ABR: variants seen among roughly 807,000 people sequenced by gnomAD.
The protein encoded by ABR is ABR activator of RhoGEF and GTPase, also known as active breakpoint cluster region-related protein.
A neutral mutation model predicts 107.2 loss-of-function variants in ABR; 35 were observed. The observed-to-expected ratio is 0.33, with a 90% CI of 0.25 to 0.43. The LOEUF (loss-of-function observed/expected upper bound fraction) is 0.43. Ranked by LOEUF, ABR falls within the 20% of genes least tolerant of loss-of-function variation. The pLI is 1.00. For missense variants in ABR, 815 were observed against 1,115.2 expected (o/e 0.73, Z 3.83); for synonymous variants, 498 against 462.0 (o/e 1.08, Z -1.00).
At chr17:1,156,905 C>G (rs918345385) in intron 1 of ABR, among the ~76,000 whole-genome samples, 1 of 152,172 alleles carries the variant, frequency 6.6e-6, no homozygotes, top group African/African-American at 2.4e-5. Flanking sequence ...CCTCCAACCT[C>G]CTTTTAGCCG....
chr17:1,068,923 T>C (rs544463066), intron 9 of ABR, among the ~76,000 whole-genome samples: 2 of 152,372 alleles, frequency 1.3e-5, no homozygotes, highest in South Asian at 4.1e-4. Flanking sequence ...AAAGCATGTG[T>C]CACGGCACCT....
chr17:1,008,537 T>G (rs1244221852), intron 21 of ABR, among the ~76,000 whole-genome samples: 1 of 152,040 alleles, frequency 6.6e-6, no homozygotes, highest in African/African-American at 2.4e-5. Flanking sequence ...CCCTTCCCAC[T>G]CCTCCCCACA....
chr17:1,057,917 G>T, intron 12 of ABR, 53 bp downstream of exon 12: 1 of 1,501,132 alleles, frequency 6.7e-7, no homozygotes, highest in Non-Finnish European at 9.3e-7. Flanking sequence ...AATACAAAAG[G>T]CCCATCAATG....
At chr17:1,107,435 A>G (rs566775711) in intron 2 of ABR, among the ~76,000 whole-genome samples, 1 of 152,374 alleles carries the variant, frequency 6.6e-6, no homozygotes, top group East Asian at 1.9e-4. Flanking sequence ...AGAATGGGAT[A>G]TAATTGCGGA....
At position 1,100,597 on chromosome 17, in the gene ABR, C is replaced by CG. The variant is rs774953534; in HGVS notation, c.345+39dup. 21 of 1,582,102 alleles carry CG rather than the reference C, an allele frequency of 1.3e-5. No homozygotes were observed. In the South Asian group the frequency reaches 2.2e-4, roughly 17 times the overall value. ...AGAGCATGACATCACCCAACACGGG[C>CG]GGGGGGACCGGAAGGCCCCAGAGCA... On this transcript the variant is annotated intron_variant, in intron 3 of 22. Transcript: ENST00000302538.
At chr17:1,141,424 G>A (rs1237687652) in intron 1 of ABR, among the ~76,000 whole-genome samples, 2 of 152,152 alleles carry the variant, frequency 1.3e-5, no homozygotes, top group Non-Finnish European at 2.9e-5. Context: ...CCTTGGGCAA[G>A]CTACTTAGCC....
intron 22 of ABR, among the ~76,000 whole-genome samples, chr17:1,006,462 T>G (rs1462107855): frequency 1.3e-5 from 2 of 152,180 alleles, no homozygotes. Flanking sequence ...CTCCCGCCCT[T>G]GGAAGCAACC....
intron 6 of ABR, among the ~76,000 whole-genome samples, chr17:1,074,890 G>A (rs1385038791): frequency 1.3e-5 from 2 of 152,184 alleles, no homozygotes; most frequent in Admixed American, 6.5e-5. Context: ...AAGTTGTAGC[G>A]AGCCAAGATC....
At chr17:1,151,968 CACGGG>C (rs1293118908) in intron 1 of ABR, among the ~76,000 whole-genome samples, 12 of 149,496 alleles carry the variant, frequency 8.0e-5, no homozygotes, top group African/African-American at 3.1e-4. Context: ...TCCTGGCTAA[CACGGG>C]GAAACCCCGC....
intron 2 of ABR, among the ~76,000 whole-genome samples, chr17:1,112,058 T>G (rs2038703299): frequency 6.6e-6 from 1 of 152,194 alleles, no homozygotes; most frequent in African/African-American, 2.4e-5. Context: ...TTCTTTTCCT[T>G]TGCCAAAGCC....
chr17:1,214,690 A>T (rs968563705), intron 1 of ABR, among the ~76,000 whole-genome samples: 5 of 152,020 alleles, frequency 3.3e-5, no homozygotes, highest in Non-Finnish European at 7.4e-5. Flanking sequence ...AATCCCAGCT[A>T]CTCGGGAGGC....
In ABR at chr17:1,107,400, T is replaced by C. The variant is rs147915809; in HGVS notation, c.247-6665A>G. Among the ~76,000 whole-genome samples, 48 of 152,358 alleles carry C rather than the reference T, an allele frequency of 3.2e-4. No individual in the cohort carries two copies. In the East Asian group the frequency reaches 7.7e-3, roughly 25 times the overall value. ...GCACTGTGCAGTGTTCAGCAATGAA[T>C]ATGACATGGTCCTGGTCCTCCAGGA... On this transcript the variant is annotated intron_variant, in intron 2 of 22. Transcript: ENST00000302538.
chr17:1,050,509 C>T lies in ABR; in HGVS notation c.1659+28G>A. 4 of 1,603,852 alleles carry T rather than the reference C, an allele frequency of 2.5e-6. No individual in the cohort carries two copies. The highest frequency in any genetic ancestry group is 3.4e-6 in the Non-Finnish European group (4 of 1,171,118). On this transcript the variant is annotated intron_variant, in intron 15 of 22. Coordinates refer to ENST00000302538, the MANE Select transcript of ABR (RefSeq NM_021962.5). The surrounding 1 kb of genome is among the most constrained non-coding windows in gnomAD (Gnocchi z 4.6). The stretch of plus-strand genomic sequence containing the variant: ...CACGAGCACGGGGTGGTGGGGTCCC[C>T]ACAGAGATGCCAGCCCCTGCCACTC...
chr17:1,197,532 C>A (rs1206805168), intron 1 of ABR, among the ~76,000 whole-genome samples: 1 of 151,528 alleles, frequency 6.6e-6, no homozygotes, highest in Non-Finnish European at 1.5e-5. Flanking sequence ...TGGCCCACAG[C>A]CTTCTAGACA....
In ABR at chr17:1,092,636, A is replaced by G. The variant is rs1051899538; in HGVS notation, c.346-786T>C. ...GGGACCGTGGGATAACGGGACGTGC[A>G]GGCATTTCCTCAGTGTGGTTCTCTG... On this transcript the variant is annotated intron_variant, in intron 3 of 22. Transcript: ENST00000302538. This position sits in a 1 kb window ranked among gnomAD's most constrained non-coding sequence, Gnocchi z 4.6. Among the ~76,000 whole-genome samples the G allele has an allele frequency of 1.3e-5, 2 of 152,086 alleles. No individual in the cohort carries two copies. The highest frequency in any genetic ancestry group is 4.8e-5 in the African/African-American group (2 of 41,430).
chr17:1,214,211 T>G (rs1289236813), intron 1 of ABR, among the ~76,000 whole-genome samples: 4 of 151,998 alleles, frequency 2.6e-5, no homozygotes, highest in Non-Finnish European at 4.4e-5. Flanking sequence ...ACACAGGACT[T>G]GGACTTCCCC....
At chr17:1,197,264 G>C (rs1035242500) in intron 1 of ABR, among the ~76,000 whole-genome samples, 3 of 151,714 alleles carry the variant, frequency 2.0e-5, no homozygotes. Flanking sequence ...TGTGGCGCAG[G>C]GAGGGTTTGG....
chr17:1,162,496 G>A (rs537764374), intron 1 of ABR, among the ~76,000 whole-genome samples: 10 of 152,304 alleles, frequency 6.6e-5, no homozygotes, highest in South Asian at 2.1e-4. Context: ...TGGGCCACCC[G>A]GGCTGTGCAC....
intron 3 of ABR, among the ~76,000 whole-genome samples, chr17:1,094,769 G>A (rs1176117511): frequency 6.6e-6 from 1 of 152,190 alleles, no homozygotes; most frequent in African/African-American, 2.4e-5. Flanking sequence ...TGGTTCCAAG[G>A]TTGTGCTGGA....
Sources: gnomAD v4.1 joint callset for allele counts (sites outside exome capture counted in the v4.1 genomes callset) on GRCh38, gnomAD v4.1.1 for gene constraint, Gnocchi (gnomAD v3.1) non-coding constraint, MANE v1.5 for transcripts, NCBI Gene and HGNC (gene_info 2026-07-23, HGNC 2026-07-21) for gene names.